TINAG: variants seen among roughly 807,000 people sequenced by gnomAD.
TINAG encodes the protein tubulointerstitial nephritis antigen.
A neutral mutation model predicts 72.7 loss-of-function variants in TINAG; 83 were observed. The ratio of observed to expected loss-of-function variants is 1.14; its 90% confidence interval spans 0.96 to 1.37. The LOEUF is 1.37. Among genes scored for constraint, TINAG ranks in the 40% most tolerant of loss-of-function variants. The pLI, the probability that TINAG is intolerant of heterozygous loss-of-function variation, is 0.00. For synonymous variants in TINAG, 234 were observed against 189.9 expected (o/e 1.23, Z -1.91); for missense variants, 685 against 576.6 (o/e 1.19, Z -1.93).
chr6:54,328,446 C>T (rs192171092), intron 4 of TINAG, among the ~76,000 whole-genome samples: 49 of 152,058 alleles, frequency 3.2e-4, no homozygotes, highest in African/African-American at 1.9e-4. Context: ...AGGACACCCA[C>T]GCAAAAACCC....
chr6:54,349,905 A>G lies in TINAG; in HGVS notation c.1080+9A>G. On this transcript the variant is annotated intron_variant, in intron 7 of 10. Transcript: ENST00000259782. ...ACAGAGTCTCTTCCAACGTAAGTAT[A>G]AATGGCAAGAATCAAGAATAGTTGG... 1 of 1,523,950 alleles carries G rather than the reference A, an allele frequency of 6.6e-7. No individual in the cohort carries two copies. Among genetic ancestry groups the G allele is most frequent in the African/African-American group, 1.4e-5 (1 of 72,908 alleles). 94.4% of individuals were successfully genotyped at this position (1,523,950 alleles called of 1,614,324 possible).
In TINAG at chr6:54,357,561, G is replaced by A. The variant is rs192135830; in HGVS notation, c.1250+2925G>A. Among the ~76,000 whole-genome samples, 3 of 151,944 alleles carry A rather than the reference G, an allele frequency of 2.0e-5. No individual in the cohort carries two copies. In the East Asian group the frequency reaches 5.9e-4, roughly 30 times the overall value. On this transcript the variant is annotated intron_variant, in intron 9 of 10. Transcript: ENST00000259782. ...ATCAATCTTTTCTATCTTAATTAAT[G>A]ACAGCTCTGTTCTTCCATATTCTCT...
In TINAG at chr6:54,382,221, CAAGCAGTAGA is replaced by C. The variant is rs1158597935; in HGVS notation, c.1296+1653_1296+1662del. Among the ~76,000 whole-genome samples, 3 of 151,990 alleles carry C rather than the reference CAAGCAGTAGA, an allele frequency of 2.0e-5. No individual in the cohort carries two copies. In the East Asian group the frequency reaches 5.8e-4, roughly 29 times the overall value. On this transcript the variant is annotated intron_variant, in intron 10 of 10. Coordinates refer to ENST00000259782, the MANE Select transcript of TINAG (RefSeq NM_014464.4). ...GATTTGTTTGATAAATTGTTGAATG[CAAGCAGTAGA>C]AATACAAGAATCAGACTAAAATTTA...
intron 3 of TINAG, among the ~76,000 whole-genome samples, chr6:54,323,978 T>A (rs1784549829): frequency 6.6e-6 from 1 of 152,040 alleles, no homozygotes; most frequent in Non-Finnish European, 1.5e-5. Context: ...AACAAATAAT[T>A]TTTATGTTAA....
intron 9 of TINAG, among the ~76,000 whole-genome samples, chr6:54,363,435 T>TGGGGAGAAAAGCTGTAAGAC (rs1295891283): frequency 1.3e-5 from 2 of 151,172 alleles, no homozygotes; most frequent in Non-Finnish European, 1.5e-5. Context: ...AAGACATATT[T>TGGGGAGAAAAGCTGTAAGAC]GGGGAGAAAA....
At chr6:54,388,780 A>C (rs548379075) in intron 10 of TINAG, among the ~76,000 whole-genome samples, 6 of 152,200 alleles carry the variant, frequency 3.9e-5, no homozygotes, top group Non-Finnish European at 8.8e-5. Flanking sequence ...CCAACCATCC[A>C]ATCCAACCAT....
rs1488487599 is a variant in TINAG at position 54,354,568 on chromosome 6, T to G, written c.1182T>G (p.His394Gln). The G allele has an allele frequency of 5.6e-6, 9 of 1,610,752 alleles. No individual in the cohort carries two copies. Among genetic ancestry groups the G allele is most frequent in the African/African-American group, 1.3e-5 (1 of 74,792 alleles). The stretch of plus-strand genomic sequence containing the variant: ...ATTATAAGACAGGGATATACAGACA[T>G]GTTACCAGCACAAATAAAGAATCAG... ...FFHYKTGIYR[H>Q]VTSTNKESEK... Residue 394 changes from histidine (H) to glutamine (Q), a missense_variant, in exon 9 of 11, where the codon CAT becomes CAG. His to Gln is a conservative substitution (Grantham distance 24, BLOSUM62 0). Coordinates refer to ENST00000259782, the MANE Select transcript of TINAG (RefSeq NM_014464.4).
chr6:54,349,299 A>G (rs2150959283), intron 6 of TINAG, among the ~76,000 whole-genome samples: 1 of 152,140 alleles, frequency 6.6e-6, no homozygotes, highest in East Asian at 1.9e-4. Context: ...CATAATTTTA[A>G]TATCCCATCT....
chr6:54,345,532 A>T (rs2150956380), intron 5 of TINAG, among the ~76,000 whole-genome samples: 1 of 152,238 alleles, frequency 6.6e-6, no homozygotes, highest in East Asian at 1.9e-4. Context: ...ACACTATAAA[A>T]GTATTTTCTG....
chr6:54,320,517 T>G (rs545499769), intron 1 of TINAG, 62 bp from the exon 2 acceptor site: 536 of 1,322,332 alleles, frequency 4.1e-4, no homozygotes, highest in Non-Finnish European at 5.3e-4. Flanking sequence ...GATTACATTT[T>G]ATGTTAATGC....
At chr6:54,385,874 A>AG (rs1322521769) in intron 10 of TINAG, among the ~76,000 whole-genome samples, 8 of 146,972 alleles carry the variant, frequency 5.4e-5, no homozygotes, top group African/African-American at 1.8e-4. Flanking sequence ...AGAAAAAAAA[A>AG]CATGATTTTT....
chr6:54,317,252 C>T (rs1055998835), intron 1 of TINAG, among the ~76,000 whole-genome samples: 1 of 151,830 alleles, frequency 6.6e-6, no homozygotes, highest in African/African-American at 2.4e-5. Flanking sequence ...CTCTCTCTTT[C>T]TTCTCAAGCA....
chr6:54,316,208 G>A (rs1183757794), intron 1 of TINAG, among the ~76,000 whole-genome samples: 1 of 152,098 alleles, frequency 6.6e-6, no homozygotes, highest in Non-Finnish European at 1.5e-5. Flanking sequence ...ACAGTACACA[G>A]GACAAATATC....
chr6:54,364,670 A>C (rs2150970025), intron 9 of TINAG, among the ~76,000 whole-genome samples: 1 of 151,558 alleles, frequency 6.6e-6, no homozygotes, highest in East Asian at 1.9e-4. Flanking sequence ...TTACAGGTTA[A>C]GAATACAGTT....
At chr6:54,337,928 G>A (rs2150950557) in intron 4 of TINAG, among the ~76,000 whole-genome samples, 1 of 152,282 alleles carries the variant, frequency 6.6e-6, no homozygotes, top group African/African-American at 2.4e-5. Flanking sequence ...GTAGGGAAAA[G>A]CCGAGGACAG....
rs189101707 is a variant in TINAG at position 54,351,810 on chromosome 6, G to A, written c.1126+413G>A. Among the ~76,000 whole-genome samples the A allele has an allele frequency of 4.3e-3, 658 of 151,884 alleles. 6 individuals carry two copies. Among genetic ancestry groups the A allele is most frequent in the African/African-American group, 0.015 (622 of 41,498 alleles). On this transcript the variant is annotated intron_variant, in intron 8 of 10. Coordinates refer to ENST00000259782, the MANE Select transcript of TINAG (RefSeq NM_014464.4). ...ATCTTCAGTTTAAATAGATTAGGTCGTGGATTGAAAAAATTGAGGATTAAT... is the reference window on the plus strand; with the variant it reads ...ATCTTCAGTTTAAATAGATTAGGTCATGGATTGAAAAAATTGAGGATTAAT...
At chr6:54,313,474 T>C (rs1437346640) in intron 1 of TINAG, among the ~76,000 whole-genome samples, 1 of 152,170 alleles carries the variant, frequency 6.6e-6, no homozygotes, top group Non-Finnish European at 1.5e-5. Context: ...TCCTCCTCCT[T>C]ACAAGCTAAG....
intron 9 of TINAG, among the ~76,000 whole-genome samples, chr6:54,366,668 G>A (rs891445003): frequency 6.6e-6 from 1 of 151,302 alleles, no homozygotes; most frequent in Non-Finnish European, 1.5e-5. Context: ...GATGGAGATA[G>A]GATAGGGATA....
intron 1 of TINAG, 124 bp from the exon 2 acceptor site, chr6:54,320,455 C>A: frequency 1.5e-6 from 1 of 686,086 alleles, no homozygotes; most frequent in Non-Finnish European, 2.3e-6. Context: ...TTTCTATCAG[C>A]TTTTTTGGCA....
Sources: allele counts gnomAD v4.1 joint callset (sites outside exome capture counted in the v4.1 genomes callset), GRCh38; gene constraint gnomAD v4.1.1; transcripts MANE v1.5; gene names NCBI Gene and HGNC (gene_info 2026-07-23, HGNC 2026-07-21).